COL11A1: variants seen among roughly 807,000 people sequenced by gnomAD.
The protein encoded by COL11A1 is collagen alpha-1(XI) chain.
A neutral mutation model predicts 265.2 loss-of-function variants in COL11A1; 74 were observed. The ratio of observed to expected loss-of-function variants is 0.28; its 90% CI spans 0.23 to 0.34. COL11A1 has a LOEUF of 0.34. COL11A1 is among the 10% of genes least tolerant of loss of function. COL11A1 has a pLI of 1.00. For missense variants in COL11A1, 2,165 were observed against 2,263.6 expected (o/e 0.96, Z 0.88); for synonymous variants, 816 against 727.6 (o/e 1.12, Z -1.96).
At chr1:102,937,219 T>C (rs139269864) in intron 44 of COL11A1, among the ~76,000 whole-genome samples, 2,334 of 152,272 alleles carry the variant, frequency 0.015, 36 homozygotes, top group Non-Finnish European at 0.022. Context: ...CCTAAAAACC[T>C]TTCCGAGTAT....
intron 6 of COL11A1, 109 bp downstream of exon 6, chr1:103,026,107 A>T: frequency 8.4e-7 from 1 of 1,184,994 alleles, no homozygotes; most frequent in Non-Finnish European, 1.3e-6. Context: ...GGTTCAGAGA[A>T]ATAAGATGAA....
chr1:102,912,071 A>C lies in COL11A1; in HGVS notation c.4086+88T>G, dbSNP rs888123725. 47 of 1,083,240 alleles carry C rather than the reference A, an allele frequency of 4.3e-5. No homozygotes were observed. The highest frequency in any genetic ancestry group is 6.9e-5 in the Admixed American group (3 of 43,370). 67.1% of individuals were successfully genotyped at this position (1,083,240 alleles called of 1,614,324 possible). The stretch of plus-strand genomic sequence containing the variant: ...TGATATTTCTCATTATTCTTATAAC[A>C]TGCTGCCTGCAGCTTACACACATTA... On this transcript the variant is annotated intron_variant, in intron 54 of 66. Transcript: ENST00000370096.
intron 63 of COL11A1, among the ~76,000 whole-genome samples, chr1:102,883,887 G>A (rs1650596784): frequency 6.6e-6 from 1 of 151,908 alleles, no homozygotes; most frequent in Non-Finnish European, 1.5e-5. Flanking sequence ...ATATTTTAAT[G>A]CAGCCTGCTA....
intron 57 of COL11A1, among the ~76,000 whole-genome samples, chr1:102,892,957 T>C (rs1259973242): frequency 2.6e-5 from 4 of 152,180 alleles, no homozygotes; most frequent in African/African-American, 9.6e-5. Flanking sequence ...CTCTTTTGTA[T>C]AAGAATAAAC....
intron 13 of COL11A1, among the ~76,000 whole-genome samples, chr1:103,013,634 A>T (rs1666310692): frequency 6.6e-6 from 1 of 151,970 alleles, no homozygotes. Context: ...ATAAACAAAT[A>T]TTGAGGATGA....
At chr1:103,048,579 T>A (rs1462011719) in intron 4 of COL11A1, among the ~76,000 whole-genome samples, 2 of 152,174 alleles carry the variant, frequency 1.3e-5, no homozygotes, top group Non-Finnish European at 2.9e-5. Context: ...TTTGAAGGGT[T>A]TTGTGTGTCT....
At chr1:102,951,561 G>A (rs1302420099) in intron 41 of COL11A1, among the ~76,000 whole-genome samples, 1 of 151,798 alleles carries the variant, frequency 6.6e-6, no homozygotes, top group Non-Finnish European at 1.5e-5. Flanking sequence ...TGGGCGTGGT[G>A]GCGTCTCTAC....
chr1:103,085,799 C>A lies in COL11A1; in HGVS notation c.107-2827G>T, dbSNP rs113929654. Among the ~76,000 whole-genome samples the A allele has an allele frequency of 1.6e-3, 236 of 152,228 alleles. 1 individual carries two copies. The highest frequency in any genetic ancestry group is 5.6e-3 in the African/African-American group (231 of 41,548). On this transcript the variant is annotated intron_variant, in intron 1 of 66. Transcript: ENST00000370096. Reference sequence around the variant, plus strand: ...ATATCTGTTTTATATGTGTTATTTTCTCTTACCTCATAACTAAGAAAATGC... The same window carrying A: ...ATATCTGTTTTATATGTGTTATTTTATCTTACCTCATAACTAAGAAAATGC...
At chr1:102,924,581 C>A (rs529531005) in intron 46 of COL11A1, among the ~76,000 whole-genome samples, 148 of 152,174 alleles carry the variant, frequency 9.7e-4, no homozygotes, top group Non-Finnish European at 1.8e-3. Context: ...TAGGAACTAG[C>A]AGAGGAGCAA....
chr1:102,935,021 G>A (rs1341162094), intron 45 of COL11A1, 39 bp downstream of exon 45: 2 of 1,599,896 alleles, frequency 1.3e-6, no homozygotes, highest in South Asian at 1.1e-5. Context: ...TCAGGGAGCT[G>A]TAAGGATTTA....
At chr1:103,016,221 T>A (rs921098753) in intron 11 of COL11A1, among the ~76,000 whole-genome samples, 11 of 152,050 alleles carry the variant, frequency 7.2e-5, no homozygotes, top group Non-Finnish European at 1.5e-4. Flanking sequence ...TATATTTTAA[T>A]AGACAATAGA....
At chr1:103,064,564 G>T (rs1487940814) in intron 4 of COL11A1, among the ~76,000 whole-genome samples, 1 of 151,826 alleles carries the variant, frequency 6.6e-6, no homozygotes, top group Non-Finnish European at 1.5e-5. Context: ...GGTGGTGGGT[G>T]CCTGTAGTCC....
In COL11A1 at chr1:102,979,080, G is replaced by C; in HGVS notation, c.2635C>G (p.Arg879Gly). 1 of 1,614,052 alleles carries C rather than the reference G, an allele frequency of 6.2e-7. No individual in the cohort carries two copies. Among genetic ancestry groups the C allele is most frequent in the Non-Finnish European group, 8.5e-7 (1 of 1,179,996 alleles). Residue 879 changes from arginine (R) to glycine (G), a missense_variant, in exon 33 of 67, where the codon CGG (arginine) becomes GGG (glycine). Arg to Gly is a moderately radical substitution (Grantham distance 125). Transcript: ENST00000370096. Reference sequence around the variant, plus strand: ...CCTACCGTTGGACCACGCTGACCCCGAGGGCCTGGTTTGCCAGCTACTCCC... The same window carrying C: ...CCTACCGTTGGACCACGCTGACCCCCAGGGCCTGGTTTGCCAGCTACTCCC... ...ARGVAGKPGPRGQRGPTGPRG... is the reference protein window; with the variant it reads ...ARGVAGKPGPGGQRGPTGPRG...
In COL11A1 at chr1:103,062,512, G is replaced by T. The variant is rs191767759; in HGVS notation, c.651+12106C>A. Among the ~76,000 whole-genome samples the T allele has an allele frequency of 8.9e-4, 136 of 151,986 alleles. 1 individual carries two copies. The highest frequency in any genetic ancestry group is 6.8e-3 in the Middle Eastern group (2 of 294). On this transcript the variant is annotated intron_variant, in intron 4 of 66. Coordinates refer to ENST00000370096, the MANE Select transcript of COL11A1 (RefSeq NM_001854.4). ...GTGGAATTTATCCCAGGTATGCCAG[G>T]CTGTTTCAATATTTGAAAATAAATT...
At chr1:102,988,747 G>T (rs1663827465) in intron 29 of COL11A1, among the ~76,000 whole-genome samples, 4 of 151,908 alleles carry the variant, frequency 2.6e-5, no homozygotes, top group Admixed American at 2.6e-4. Context: ...ATAGAGAGAG[G>T]GAAAAATAAT....
chr1:102,925,949 C>A (rs1656547653), intron 46 of COL11A1, among the ~76,000 whole-genome samples: 1 of 151,772 alleles, frequency 6.6e-6, no homozygotes, highest in Admixed American at 6.6e-5. Flanking sequence ...ATTTAGTATC[C>A]CCAAATTAAA....
At position 102,921,195 on chromosome 1, in the gene COL11A1, A is replaced by T. The variant is rs539176731; in HGVS notation, c.3708+323T>A. On this transcript the variant is annotated intron_variant, in intron 48 of 66. Coordinates refer to ENST00000370096, the MANE Select transcript of COL11A1 (RefSeq NM_001854.4). ...TGTTAACAAGTGCATAAGAGTTATCATATGCAAGGCACAGTCTAAGTATGT... is the reference window on the plus strand; with the variant it reads ...TGTTAACAAGTGCATAAGAGTTATCTTATGCAAGGCACAGTCTAAGTATGT... Among the ~76,000 whole-genome samples the T allele has an allele frequency of 3.4e-4, 52 of 152,340 alleles. No homozygotes were observed. In the South Asian group the frequency reaches 9.9e-3, roughly 29 times the overall value.
At position 102,916,009 on chromosome 1, in the gene COL11A1, C is replaced by A. The variant is rs572106287; in HGVS notation, c.3763-325G>T. On this transcript the variant is annotated intron_variant, in intron 49 of 66. Transcript: ENST00000370096. ...AAAATATTGTGTATTTGCACTGTGT[C>A]AATATTCATATTACAATAAAGTTTA... 3.3e-5 allele frequency among the ~76,000 whole-genome samples: 5 copies of A among 152,130 alleles called. No homozygotes were observed. In the East Asian group the frequency reaches 9.7e-4, roughly 29 times the overall value.
intron 4 of COL11A1, among the ~76,000 whole-genome samples, chr1:103,065,406 G>A (rs924402760): frequency 6.6e-6 from 1 of 150,818 alleles, no homozygotes; most frequent in African/African-American, 2.4e-5. Context: ...TGTAGTCCCA[G>A]CTACTCAGGA....
Sources: allele counts gnomAD v4.1 joint callset (sites outside exome capture counted in the v4.1 genomes callset), GRCh38; gene constraint gnomAD v4.1.1; transcripts MANE v1.5; gene names NCBI Gene and HGNC (gene_info 2026-07-23, HGNC 2026-07-21).